The following DCDC2 variants were observed in gnomAD, a reference collection of about 807,000 sequenced individuals.
DCDC2 encodes doublecortin domain containing 2.
DCDC2 carries 40 observed loss-of-function variants against 50.2 expected under a neutral mutation model. That is an observed-to-expected ratio of 0.80 (90% CI 0.62 to 1.04). The LOEUF (loss-of-function observed/expected upper bound fraction) is 1.04. DCDC2 is among the 50% of genes least tolerant of loss of function. The pLI is 0.00. For missense variants in DCDC2, 570 were observed against 581.9 expected, an observed-to-expected ratio of 0.98 and a Z score of 0.21; for synonymous variants, 234 against 210.6, an observed-to-expected ratio of 1.11 and a Z score of -0.96.
chr6:24,240,085 A>C (rs1268380581), intron 7 of DCDC2, among the ~76,000 whole-genome samples: 1 of 152,256 alleles, frequency 6.6e-6, no homozygotes, highest in Non-Finnish European at 1.5e-5. Context: ...AATATATATT[A>C]AACTCACATC....
At chr6:24,294,271 C>T (rs1763814253) in intron 4 of DCDC2, among the ~76,000 whole-genome samples, 1 of 152,118 alleles carries the variant, frequency 6.6e-6, no homozygotes, top group Non-Finnish European at 1.5e-5. Context: ...GGGAGGATCG[C>T]TTGAGCCCAG....
At chr6:24,229,130 CATTT>C (rs1222338643) in intron 7 of DCDC2, among the ~76,000 whole-genome samples, 2 of 152,180 alleles carry the variant, frequency 1.3e-5, no homozygotes, top group African/African-American at 2.4e-5. Flanking sequence ...AAACAACACA[CATTT>C]ATTGTCTTAC....
chr6:24,359,213 A>ATTATATATT (rs1164935533), upstream of DCDC2, among the ~76,000 whole-genome samples: 81 of 73,284 alleles, frequency 1.1e-3, no homozygotes, highest in Admixed American at 0.016. Context: ...TATTTTATAT[A>ATTATATATT]TTATATATTT....
chr6:24,302,688 A>C (rs967945026), intron 2 of DCDC2, among the ~76,000 whole-genome samples: 5 of 151,958 alleles, frequency 3.3e-5, no homozygotes, highest in African/African-American at 9.7e-5. Flanking sequence ...ATTAGAGAGA[A>C]CCACGGGGCC....
Position 24,301,818 on chromosome 6 carries a change from G to T in DCDC2, c.454C>A (p.Pro152Thr). 1 of 1,614,110 alleles carries T rather than the reference G, an allele frequency of 6.2e-7. No individual in the cohort carries two copies. The highest frequency in any genetic ancestry group is 8.5e-7 in the Non-Finnish European group (1 of 1,180,012). ...CTGGGGATAAGGAGGCGAGAAGCTGGGTTTATGAGGTCTCCATTTGCAATC... is the reference window on the plus strand; with the variant it reads ...CTGGGGATAAGGAGGCGAGAAGCTGTGTTTATGAGGTCTCCATTTGCAATC... Reference protein sequence around the residue: ...FLIANGDLINPASRLLIPRKT... With the variant: ...FLIANGDLINTASRLLIPRKT... The change falls in exon 4 of 10, where the codon CCA becomes ACA. Residue 152 changes from proline to threonine, a missense_variant. Pro to Thr is a conservative substitution (Grantham distance 38). Coordinates refer to ENST00000378454, the MANE Select transcript of DCDC2 (RefSeq NM_016356.5).
chr6:24,337,096 C>T (rs1208388318), intron 2 of DCDC2, among the ~76,000 whole-genome samples: 1 of 152,130 alleles, frequency 6.6e-6, no homozygotes, highest in Non-Finnish European at 1.5e-5. Context: ...TGCTTAGTAA[C>T]TTGGTAAATG....
intron 7 of DCDC2, among the ~76,000 whole-genome samples, chr6:24,274,665 C>T (rs1304083771): frequency 6.7e-6 from 1 of 148,396 alleles, no homozygotes; most frequent in Admixed American, 6.7e-5. Flanking sequence ...AAAATTAGAC[C>T]CAGGTTGCCA....
At chr6:24,297,402 A>G (rs1759275389) in intron 4 of DCDC2, among the ~76,000 whole-genome samples, 1 of 152,202 alleles carries the variant, frequency 6.6e-6, no homozygotes, top group African/African-American at 2.4e-5. Context: ...TGTACAACAA[A>G]CTACCGTGAC....
chr6:24,320,119 T>C (rs1375354747), intron 2 of DCDC2, among the ~76,000 whole-genome samples: 1 of 152,080 alleles, frequency 6.6e-6, no homozygotes, highest in Non-Finnish European at 1.5e-5. Context: ...CTCATAAGAG[T>C]ATAGGTTAGC....
chr6:24,232,586 G>T (rs1762358469), intron 7 of DCDC2, among the ~76,000 whole-genome samples: 1 of 152,142 alleles, frequency 6.6e-6, no homozygotes, highest in Admixed American at 6.5e-5. Context: ...TGAACAATTT[G>T]CCCAAGGCAT....
intron 8 of DCDC2, among the ~76,000 whole-genome samples, chr6:24,203,256 C>A (rs942195348): frequency 2.0e-5 from 3 of 152,140 alleles, no homozygotes; most frequent in Admixed American, 6.5e-5. Flanking sequence ...CTACAGTAAC[C>A]AAAACAGCAT....
At chr6:24,338,350 T>C (rs1037731697) in intron 2 of DCDC2, among the ~76,000 whole-genome samples, 3 of 152,118 alleles carry the variant, frequency 2.0e-5, no homozygotes, top group African/African-American at 7.2e-5. Context: ...GTCACCGCCA[T>C]TAAAAAAAAA....
chr6:24,372,619 A>C, the DCDC2 span, among the ~76,000 whole-genome samples: 1 of 152,132 alleles, frequency 6.6e-6, no homozygotes, highest in Non-Finnish European at 1.5e-5. Context: ...CCTTGTAGGG[A>C]CATGGATGAA....
intron 7 of DCDC2, among the ~76,000 whole-genome samples, chr6:24,206,827 G>A (rs1761725417): frequency 6.6e-6 from 1 of 152,186 alleles, no homozygotes; most frequent in Non-Finnish European, 1.5e-5. Flanking sequence ...TCAACGCTGT[G>A]CACAGTGACA....
chr6:24,192,535 G>T (rs904627049), intron 8 of DCDC2, among the ~76,000 whole-genome samples: 1 of 151,988 alleles, frequency 6.6e-6, no homozygotes, highest in African/African-American at 2.4e-5. Flanking sequence ...GTGCAGGAAA[G>T]GAAAGTGTAA....
chr6:24,204,222 G>A (rs1447124079), intron 8 of DCDC2, among the ~76,000 whole-genome samples: 7 of 152,124 alleles, frequency 4.6e-5, no homozygotes, highest in Non-Finnish European at 8.8e-5. Flanking sequence ...CAATAGCAAA[G>A]ACTTGGAACC....
intron 2 of DCDC2, among the ~76,000 whole-genome samples, chr6:24,323,519 AAG>A (rs1759807432): frequency 6.6e-6 from 1 of 152,104 alleles, no homozygotes; most frequent in Admixed American, 6.5e-5. Flanking sequence ...TGGGTGAAGT[AAG>A]GTATACAAAG....
In DCDC2 at chr6:24,202,294, C is replaced by T. The variant is rs1484193083; in HGVS notation, c.1023+2708G>A. On this transcript the variant is annotated intron_variant, in intron 8 of 9. Transcript: ENST00000378454. ...AAAAGCTTATCAGCCACGATCAAGT[C>T]GGCTTCATCCCTGGGATGGAAGCCT... Among the ~76,000 whole-genome samples the T allele has an allele frequency of 1.7e-4, 26 of 152,134 alleles. 1 individual carries two copies. The highest frequency in any genetic ancestry group is 3.1e-4 in the Non-Finnish European group (21 of 68,020).
At chr6:24,362,895 T>G (rs1266274216), upstream of DCDC2, among the ~76,000 whole-genome samples, 1 of 152,212 alleles carries the variant, frequency 6.6e-6, no homozygotes, top group African/African-American at 2.4e-5. Flanking sequence ...CTGCTCCAGA[T>G]GCTTGCTGAA....
Sources: gnomAD v4.1 joint callset for allele counts (sites outside exome capture counted in the v4.1 genomes callset) on GRCh38, gnomAD v4.1.1 for gene constraint, MANE v1.5 for transcripts, NCBI Gene and HGNC (gene_info 2026-07-23, HGNC 2026-07-21) for gene names.